The following FRAS1 variants were observed in gnomAD, a reference collection of about 807,000 sequenced individuals.
FRAS1 encodes Fraser extracellular matrix complex subunit 1.
Under a neutral mutation model 435.2 loss-of-function variants are expected in FRAS1, and 290 were observed. That is an observed-to-expected ratio of 0.67 (90% confidence interval 0.61 to 0.73). The LOEUF (loss-of-function observed/expected upper bound fraction) is 0.73, where lower values mean the gene tolerates loss of function less well. Ranked by LOEUF, FRAS1 falls within the 30% of genes least tolerant of loss-of-function variation. The pLI, the probability that FRAS1 is intolerant of heterozygous loss-of-function variation, is 0.00. For missense variants in FRAS1, 4,860 were observed against 5,001.5 expected (o/e 0.97, Z 0.85); for synonymous variants, 1,800 against 1,851.0 (o/e 0.97, Z 0.71).
At chr4:78,238,079 A>T (rs768181244) in intron 3 of FRAS1, among the ~76,000 whole-genome samples, 81 of 152,192 alleles carry the variant, frequency 5.3e-4, no homozygotes, top group Non-Finnish European at 1.6e-4. Context: ...GAATGGATTG[A>T]AAGTCAGAAC....
At chr4:78,270,745 T>C (rs56323989) in intron 9 of FRAS1, among the ~76,000 whole-genome samples, 3,879 of 152,228 alleles carry the variant, frequency 0.025, 167 homozygotes, top group African/African-American at 0.087. Context: ...GCATATCAAC[T>C]CTTTTATATG....
intron 2 of FRAS1, among the ~76,000 whole-genome samples, chr4:78,114,188 A>G (rs1461444440): frequency 6.6e-6 from 1 of 152,102 alleles, no homozygotes; most frequent in Non-Finnish European, 1.5e-5. Context: ...ATTGGTCTAT[A>G]TATCTGTTTG....
At chr4:78,345,835 C>T (rs1730585626) in intron 20 of FRAS1, among the ~76,000 whole-genome samples, 1 of 149,276 alleles carries the variant, frequency 6.7e-6, no homozygotes, top group African/African-American at 2.5e-5. Flanking sequence ...AAGAACATGA[C>T]CTATGCTTAA....
chr4:78,212,113 T>C (rs35915954), intron 2 of FRAS1, among the ~76,000 whole-genome samples: 41,326 of 152,216 alleles, frequency 0.27, 6,659 homozygotes, highest in South Asian at 0.52. Flanking sequence ...TTGAAGAAAC[T>C]TGGGTTGTTT....
At chr4:78,158,721 T>C (rs1720998516) in intron 2 of FRAS1, among the ~76,000 whole-genome samples, 4 of 152,196 alleles carry the variant, frequency 2.6e-5, no homozygotes, top group Admixed American at 2.6e-4. Flanking sequence ...GCACTTGGGT[T>C]CTTTTGATTT....
intron 50 of FRAS1, among the ~76,000 whole-genome samples, chr4:78,467,276 G>T (rs935146181): frequency 3.3e-5 from 5 of 151,734 alleles, no homozygotes; most frequent in Admixed American, 1.3e-4. Flanking sequence ...TCTCTCCATG[G>T]GTTCAGTTGT....
intron 2 of FRAS1, among the ~76,000 whole-genome samples, chr4:78,218,429 A>G (rs1251626857): frequency 6.6e-6 from 1 of 152,140 alleles, no homozygotes; most frequent in Non-Finnish European, 1.5e-5. Context: ...GCATTTCCCA[A>G]GTTCAATACA....
chr4:78,540,513 C>T lies in FRAS1; in HGVS notation c.11446-18C>T, dbSNP rs767345987. On this transcript the variant is annotated intron_variant, in intron 73 of 73. Transcript: ENST00000512123. ...GGTCTGTGGGCAACAACAACATGTT[C>T]GGTTTGTCCCCCTGCAGGTGGAAGC... 9.6e-6 allele frequency: 14 copies of T among 1,464,288 alleles called. No individual in the cohort carries two copies. The highest frequency in any genetic ancestry group is 6.1e-5 in the South Asian group (4 of 65,166). The allele number at this position is 1,464,288 out of a possible 1,614,324, so 90.7% of individuals were successfully genotyped here. A position where few individuals can be genotyped will look rare whatever the true frequency, so the allele number is the denominator to read the frequency against.
At chr4:78,332,911 A>G (rs577967114) in intron 18 of FRAS1, among the ~76,000 whole-genome samples, 1 of 152,356 alleles carries the variant, frequency 6.6e-6, no homozygotes, top group East Asian at 1.9e-4. Flanking sequence ...CCCGATAAGC[A>G]GCAGAGTATC....
In FRAS1 at chr4:78,481,930, G is replaced by C; in HGVS notation, c.8570G>C (p.Arg2857Pro). ...GGAGTTGACTACGTTCCCAGCTCTC[G>C]GAAGGTGGAATTTGGGCCTGGTGTC... is the stretch of plus-strand genomic sequence containing the variant. ...TPGVDYVPSS[R>P]KVEFGPGVIE... Residue 2857 changes from arginine (R) to proline (P), a missense_variant, in exon 57 of 74, where the codon CGG becomes CCG. Coordinates refer to ENST00000512123, the MANE Select transcript of FRAS1 (RefSeq NM_025074.7). 1 of 1,613,806 alleles carries C rather than the reference G, an allele frequency of 6.2e-7. No homozygotes were observed. The highest frequency in any genetic ancestry group is 1.1e-5 in the South Asian group (1 of 91,054).
intron 24 of FRAS1, among the ~76,000 whole-genome samples, chr4:78,373,364 G>T (rs968429743): frequency 5.9e-5 from 9 of 151,708 alleles, no homozygotes; most frequent in African/African-American, 2.2e-4. Context: ...GCATTCCTAG[G>T]AGTATTCCTG....
intron 19 of FRAS1, among the ~76,000 whole-genome samples, chr4:78,335,900 G>GT (rs1044014582): frequency 8.1e-6 from 1 of 123,828 alleles, no homozygotes; most frequent in Non-Finnish European, 1.7e-5. Context: ...ACCGTGTGTG[G>GT]TGGTTTTTTT....
intron 40 of FRAS1, among the ~76,000 whole-genome samples, chr4:78,439,867 A>C (rs1370785843): frequency 6.7e-6 from 1 of 150,358 alleles, no homozygotes; most frequent in Non-Finnish European, 1.5e-5. Flanking sequence ...TAGTATGGAA[A>C]CCCCCTAGTG....
intron 31 of FRAS1, among the ~76,000 whole-genome samples, chr4:78,412,448 C>A (rs1733378624): frequency 6.6e-6 from 1 of 152,052 alleles, no homozygotes; most frequent in Non-Finnish European, 1.5e-5. Context: ...CTAATCTTGC[C>A]CTGCAATGAT....
chr4:78,065,087 TAC>T lies in FRAS1; in HGVS notation c.77-885_77-884del, dbSNP rs1293298298. ...ATATATATATATATATATATATACA[TAC>T]ACACACACACACTAAATACTACATA... On this transcript the variant is annotated intron_variant, in intron 1 of 73. Coordinates refer to ENST00000512123, the MANE Select transcript of FRAS1 (RefSeq NM_025074.7). Among the ~76,000 whole-genome samples the T allele has an allele frequency of 1.5e-3, 213 of 141,326 alleles. 3 individuals are homozygous for T. The highest frequency in any genetic ancestry group is 7.5e-3 in the Middle Eastern group (2 of 268). 92.7% of individuals were successfully genotyped at this position (141,326 alleles called of 152,430 possible).
In FRAS1 at chr4:78,478,240, T is replaced by G. The variant is rs182576386; in HGVS notation, c.8098+179T>G. ...ATGATTCTATCCATAGTGACTACCATCAGAAAGCCTCTTTTCTTAGTTCAA... is the reference window on the plus strand; with the variant it reads ...ATGATTCTATCCATAGTGACTACCAGCAGAAAGCCTCTTTTCTTAGTTCAA... On this transcript the variant is annotated intron_variant, in intron 55 of 73. Coordinates refer to ENST00000512123, the MANE Select transcript of FRAS1 (RefSeq NM_025074.7). 2.2e-4 allele frequency among the ~76,000 whole-genome samples: 33 copies of G among 152,352 alleles called. No homozygotes were observed. In the East Asian group the frequency reaches 4.0e-3, roughly 19 times the overall value.
intron 38 of FRAS1, among the ~76,000 whole-genome samples, chr4:78,438,141 C>T (rs1333917991): frequency 6.6e-6 from 1 of 152,078 alleles, no homozygotes; most frequent in Non-Finnish European, 1.5e-5. Flanking sequence ...AGAAATTTTG[C>T]CTGTTTCTTA....
chr4:78,423,927 A>G (rs1372843072), intron 34 of FRAS1, among the ~76,000 whole-genome samples: 2 of 152,230 alleles, frequency 1.3e-5, no homozygotes, highest in African/African-American at 2.4e-5. Flanking sequence ...CAGAGAGAGC[A>G]GAGTCCTATG....
intron 2 of FRAS1, among the ~76,000 whole-genome samples, chr4:78,091,940 A>T (rs567689359): frequency 7.6e-6 from 1 of 131,818 alleles, no homozygotes; most frequent in Non-Finnish European, 1.5e-5. Flanking sequence ...TGAGTCCAGA[A>T]GTTTGAGACC....
Sources: gnomAD v4.1 joint callset for allele counts (sites outside exome capture counted in the v4.1 genomes callset) on GRCh38, gnomAD v4.1.1 for gene constraint, MANE v1.5 for transcripts, NCBI Gene and HGNC (gene_info 2026-07-23, HGNC 2026-07-21) for gene names.